Variants in CLASP1 observed in about 807,000 individuals in gnomAD.
CLASP1 encodes the protein cytoplasmic linker associated protein 1.
Under a neutral mutation model 192.3 loss-of-function variants are expected in CLASP1, and 38 were observed. The ratio of observed to expected loss-of-function variants is 0.20; its 90% confidence interval spans 0.15 to 0.26. The LOEUF (loss-of-function observed/expected upper bound fraction) is 0.26, where lower values mean the gene tolerates loss of function less well. Ranked by LOEUF, CLASP1 falls within the 10% of genes least tolerant of loss-of-function variation. The probability of loss-of-function intolerance (pLI) is 1.00; values close to 1 mark genes in which losing one functional copy is unlikely to be tolerated. For missense variants in CLASP1, 1,433 were observed against 1,932.5 expected (o/e 0.74, Z 4.85); for synonymous variants, 691 against 712.8 (o/e 0.97, Z 0.49).
At chr2:121,421,051 T>A (rs2079413079) in intron 22 of CLASP1, among the ~76,000 whole-genome samples, 1 of 152,158 alleles carries the variant, frequency 6.6e-6, no homozygotes, top group Non-Finnish European at 1.5e-5. Flanking sequence ...AAACTAATTG[T>A]CCGTTTATGA....
At chr2:121,607,605 C>A (rs536659141) in intron 1 of CLASP1, among the ~76,000 whole-genome samples, 1 of 152,258 alleles carries the variant, frequency 6.6e-6, no homozygotes, top group South Asian at 2.1e-4. Context: ...TTACTTAATT[C>A]CTTTCATTTT....
intron 2 of CLASP1, chr2:121,530,828 A>C: frequency 6.1e-6 from 4 of 655,328 alleles, no homozygotes; most frequent in Non-Finnish European, 1.1e-5. Flanking sequence ...AATTACCACA[A>C]CCCTACCAGG....
chr2:121,339,895 T>C (rs957305462), exon 40 of CLASP1: 1 of 152,210 alleles, frequency 6.6e-6, no homozygotes, highest in Non-Finnish European at 1.5e-5. Flanking sequence ...ACTGAGACCA[T>C]GTTAGAACTG....
At chr2:121,363,148 C>A in intron 37 of CLASP1, 24 bp downstream of exon 38, 2 of 1,613,670 alleles carry the variant, frequency 1.2e-6, no homozygotes, top group Non-Finnish European at 8.5e-7. Context: ...CTGTTCAGCA[C>A]CCCTGGCCAC....
At chr2:121,361,934 C>G (rs1183697570) in intron 37 of CLASP1, among the ~76,000 whole-genome samples, 1 of 152,188 alleles carries the variant, frequency 6.6e-6, no homozygotes, top group Non-Finnish European at 1.5e-5. Flanking sequence ...GAAGAGAGGC[C>G]CAGTCTGAGG....
chr2:121,531,811 T>G (rs895139493), intron 2 of CLASP1, among the ~76,000 whole-genome samples: 1 of 150,794 alleles, frequency 6.6e-6, no homozygotes, highest in Non-Finnish European at 1.5e-5. Flanking sequence ...GAGGTTGCAA[T>G]GAGCCAACAT....
intron 2 of CLASP1, among the ~76,000 whole-genome samples, chr2:121,593,393 G>A (rs1481716197): frequency 1.3e-5 from 2 of 152,144 alleles, no homozygotes; most frequent in Non-Finnish European, 2.9e-5. Context: ...GCCCAGGCGG[G>A]TGGATCACCT....
chr2:121,344,132 A>G (rs115507196), intron 39 of CLASP1, among the ~76,000 whole-genome samples: 1,659 of 151,704 alleles, frequency 0.011, 33 homozygotes, highest in African/African-American at 0.038. Context: ...GGAGGGGGGG[A>G]AAAAGAAAAG....
At chr2:121,466,483 C>G (rs576051375) in intron 9 of CLASP1, among the ~76,000 whole-genome samples, 67 of 152,242 alleles carry the variant, frequency 4.4e-4, no homozygotes, top group African/African-American at 1.4e-3. Flanking sequence ...TTGGCCCACT[C>G]AGCTTCATCT....
intron 9 of CLASP1, among the ~76,000 whole-genome samples, chr2:121,466,870 T>C (rs752347466): frequency 4.5e-4 from 68 of 152,222 alleles, no homozygotes; most frequent in Non-Finnish European, 7.1e-4. Context: ...GTTGGTTACA[T>C]AGGTAAACGT....
intron 26 of CLASP1, chr2:121,402,682 A>C (rs1483646236): frequency 1.2e-5 from 6 of 518,470 alleles, no homozygotes; most frequent in Non-Finnish European, 2.3e-5. Context: ...GACAGGTAAC[A>C]GAAATTTATC....
intron 2 of CLASP1, among the ~76,000 whole-genome samples, chr2:121,587,198 A>G (rs1215325368): frequency 6.6e-6 from 1 of 152,078 alleles, no homozygotes; most frequent in Non-Finnish European, 1.5e-5. Flanking sequence ...CTGAGATCAC[A>G]CCACTGCACT....
intron 8 of CLASP1, among the ~76,000 whole-genome samples, chr2:121,491,111 T>C (rs1232705906): frequency 6.6e-6 from 1 of 152,222 alleles, no homozygotes; most frequent in African/African-American, 2.4e-5. Flanking sequence ...TCCGACAAAG[T>C]AGAACTGATA....
At chr2:121,467,147 G>A (rs1319858568) in intron 9 of CLASP1, among the ~76,000 whole-genome samples, 2 of 152,156 alleles carry the variant, frequency 1.3e-5, no homozygotes, top group African/African-American at 4.8e-5. Context: ...CAAAGGACAT[G>A]ATCTTGTTCC....
intron 33 of CLASP1, among the ~76,000 whole-genome samples, chr2:121,380,761 T>C (rs1236114262): frequency 6.6e-6 from 1 of 152,244 alleles, no homozygotes; most frequent in East Asian, 1.9e-4. Context: ...GTTTTCTAAA[T>C]GTAAAAGTCT....
intron 28 of CLASP1, among the ~76,000 whole-genome samples, chr2:121,398,981 C>T (rs2075742167): frequency 6.6e-6 from 1 of 152,180 alleles, no homozygotes; most frequent in Non-Finnish European, 1.5e-5. Flanking sequence ...AGTCAGTGCT[C>T]TTTCTGTTAA....
intron 7 of CLASP1, among the ~76,000 whole-genome samples, chr2:121,504,156 C>T (rs956625356): frequency 6.6e-6 from 1 of 151,344 alleles, no homozygotes; most frequent in African/African-American, 2.4e-5. Context: ...TGCTTGAACC[C>T]GGGAGACAGA....
At chr2:121,377,772 T>C in intron 33 of CLASP1, 123 bp from the exon 35 acceptor site, 1 of 667,770 alleles carries the variant, frequency 1.5e-6, no homozygotes, top group Non-Finnish European at 2.3e-6. Context: ...TATTGGGTGA[T>C]TTGGAATGAA....
intron 26 of CLASP1, among the ~76,000 whole-genome samples, chr2:121,403,282 C>T (rs2076407512): frequency 6.6e-6 from 1 of 152,128 alleles, no homozygotes; most frequent in African/African-American, 2.4e-5. Flanking sequence ...CTCTCATGAG[C>T]ACCTCAAAAG....
Sources: gnomAD v4.1 joint callset for allele counts (sites outside exome capture counted in the v4.1 genomes callset) on GRCh38, gnomAD v4.1.1 for gene constraint, MANE v1.5 for transcripts, NCBI Gene and HGNC (gene_info 2026-07-23, HGNC 2026-07-21) for gene names.